PPP1R12B: variants seen among roughly 807,000 people sequenced by gnomAD.
The protein encoded by PPP1R12B is protein phosphatase 1 regulatory subunit 12B, also known as myosin phosphatase target subunit 2.
Under a neutral mutation model 126.1 loss-of-function variants are expected in PPP1R12B, and 76 were observed. The ratio of observed to expected loss-of-function variants is 0.60; its 90% CI spans 0.50 to 0.73. The LOEUF is 0.73. Ranked by LOEUF, PPP1R12B falls within the 30% of genes least tolerant of loss-of-function variation. The pLI is 0.00. For missense variants in PPP1R12B, 1,052 were observed against 1,205.1 expected, an observed-to-expected ratio of 0.87 and a Z score of 1.88; for synonymous variants, 356 against 434.7, an observed-to-expected ratio of 0.82 and a Z score of 2.25.
At chr1:202,474,968 G>A (rs141644723) in intron 13 of PPP1R12B, among the ~76,000 whole-genome samples, 1 of 152,262 alleles carries the variant, frequency 6.6e-6, no homozygotes, top group Non-Finnish European at 1.5e-5. Flanking sequence ...CTTAGAGGCC[G>A]TTTGTTCAGA....
intron 1 of PPP1R12B, among the ~76,000 whole-genome samples, chr1:202,368,769 G>T (rs1237387721): frequency 6.6e-6 from 1 of 151,644 alleles, no homozygotes; most frequent in African/African-American, 2.4e-5. Flanking sequence ...GTCTTACTGT[G>T]TCACACAGGA....
chr1:202,426,123 C>T (rs536193667), intron 4 of PPP1R12B, among the ~76,000 whole-genome samples: 4 of 152,240 alleles, frequency 2.6e-5, no homozygotes, highest in African/African-American at 7.2e-5. Context: ...CTTGAGTATG[C>T]GATGTCCAGC....
intron 18 of PPP1R12B, among the ~76,000 whole-genome samples, chr1:202,497,527 T>C (rs1290663486): frequency 2.0e-5 from 3 of 152,242 alleles, no homozygotes; most frequent in Non-Finnish European, 4.4e-5. Flanking sequence ...ATTGGAAGTA[T>C]GTTTTCAGAG....
intron 13 of PPP1R12B, among the ~76,000 whole-genome samples, chr1:202,477,898 A>G (rs1832719): frequency 0.41 from 62,286 of 152,154 alleles, 14,753 homozygotes; most frequent in East Asian, 0.7. Flanking sequence ...GATGGTAATA[A>G]GAGGACTTTG....
At chr1:202,531,435 T>A (rs1683937742) in intron 18 of PPP1R12B, among the ~76,000 whole-genome samples, 1 of 152,210 alleles carries the variant, frequency 6.6e-6, no homozygotes, top group Non-Finnish European at 1.5e-5. Flanking sequence ...AGATTTCCTA[T>A]AATCTCTTTG....
At chr1:202,350,243 AT>A (rs916109657) in intron 1 of PPP1R12B, among the ~76,000 whole-genome samples, 2 of 150,908 alleles carry the variant, frequency 1.3e-5, no homozygotes, top group Non-Finnish European at 3.0e-5. Context: ...TTTTGTACCC[AT>A]TTTTTTTTCC....
intron 13 of PPP1R12B, among the ~76,000 whole-genome samples, chr1:202,451,721 G>A (rs1330296281): frequency 6.7e-6 from 1 of 149,074 alleles, no homozygotes; most frequent in Non-Finnish European, 1.5e-5. Flanking sequence ...CGGGCAGAGG[G>A]GCTCCTCACT....
At chr1:202,531,263 C>G (rs2148938902) in intron 18 of PPP1R12B, among the ~76,000 whole-genome samples, 1 of 152,348 alleles carries the variant, frequency 6.6e-6, no homozygotes, top group Non-Finnish European at 1.5e-5. Flanking sequence ...GTTATGAATT[C>G]TAGACTATCT....
chr1:202,439,216 C>T (rs1469531713), intron 10 of PPP1R12B: 1 of 1,439,102 alleles, frequency 6.9e-7, no homozygotes, highest in Non-Finnish European at 9.8e-7. Flanking sequence ...TGTGCTCCTG[C>T]AGCCTCGTTG....
intron 13 of PPP1R12B, among the ~76,000 whole-genome samples, chr1:202,475,933 C>T (rs1676586061): frequency 6.6e-6 from 1 of 152,168 alleles, no homozygotes; most frequent in Admixed American, 6.5e-5. Context: ...GGCATCGTGG[C>T]TCATGCCTGT....
At chr1:202,500,969 G>A (rs1419479206) in intron 18 of PPP1R12B, among the ~76,000 whole-genome samples, 1 of 152,212 alleles carries the variant, frequency 6.6e-6, no homozygotes, top group Non-Finnish European at 1.5e-5. Flanking sequence ...CCAACATAGT[G>A]CATAGTTTTA....
chr1:202,464,101 C>T (rs1357174956), intron 13 of PPP1R12B, among the ~76,000 whole-genome samples: 1 of 152,146 alleles, frequency 6.6e-6, no homozygotes, highest in East Asian at 1.9e-4. Flanking sequence ...CTACTGACTA[C>T]CCTGCTACAC....
Position 202,386,742 on chromosome 1 carries a change from G to GT in PPP1R12B, c.292-30035dup, listed in dbSNP as rs1043215977. ...TTAACACTTTGACAGAGGTTTTGTT[G>GT]TTTTTTTTTTCTCCCGTGGGTAGTA... On this transcript the variant is annotated intron_variant, in intron 1 of 23. Transcript: ENST00000608999. 4.6e-3 allele frequency among the ~76,000 whole-genome samples: 681 copies of GT among 147,844 alleles called. 1 individual carries two copies. Among genetic ancestry groups the GT allele is most frequent in the Middle Eastern group, 0.01 (3 of 286 alleles).
chr1:202,503,514 T>C (rs1448002481), intron 18 of PPP1R12B, among the ~76,000 whole-genome samples: 1 of 152,202 alleles, frequency 6.6e-6, no homozygotes, highest in Non-Finnish European at 1.5e-5. Flanking sequence ...AACTACATCT[T>C]GGATATCAGT....
chr1:202,365,973 G>A (rs1055989950), intron 1 of PPP1R12B, among the ~76,000 whole-genome samples: 1 of 151,998 alleles, frequency 6.6e-6, no homozygotes, highest in African/African-American at 2.4e-5. Flanking sequence ...CTGGGTGACC[G>A]AGCAAGACCC....
At chr1:202,497,592 GATATAA>G (rs1224400820) in intron 18 of PPP1R12B, among the ~76,000 whole-genome samples, 1 of 152,146 alleles carries the variant, frequency 6.6e-6, no homozygotes, top group East Asian at 1.9e-4. Context: ...TAGCAGAGAA[GATATAA>G]ATAATATATT....
chr1:202,399,718 G>T (rs1236654499), intron 1 of PPP1R12B, among the ~76,000 whole-genome samples: 2 of 151,920 alleles, frequency 1.3e-5, no homozygotes, highest in Non-Finnish European at 2.9e-5. Context: ...GGATGGTCTC[G>T]ATCTCCTGAC....
At chr1:202,497,069 G>A (rs1279463905) in intron 18 of PPP1R12B, among the ~76,000 whole-genome samples, 13 of 152,174 alleles carry the variant, frequency 8.5e-5, no homozygotes, top group Non-Finnish European at 1.0e-4. Flanking sequence ...CTTTCACACT[G>A]TTATAGGATC....
chr1:202,431,243 T>C (rs1173969319), intron 7 of PPP1R12B, among the ~76,000 whole-genome samples: 1 of 152,216 alleles, frequency 6.6e-6, no homozygotes, highest in African/African-American at 2.4e-5. Context: ...TCATCAAAAT[T>C]CATAGTTCTT....
Sources: allele counts gnomAD v4.1 joint callset (sites outside exome capture counted in the v4.1 genomes callset), GRCh38; gene constraint gnomAD v4.1.1; transcripts MANE v1.5; gene names NCBI Gene and HGNC (gene_info 2026-07-23, HGNC 2026-07-21).